The following DIAPH2 variants were observed in gnomAD, a reference collection of about 807,000 sequenced individuals.
DIAPH2 encodes protein diaphanous homolog 2.
DIAPH2 carries 35 observed loss-of-function variants against 92.7 expected under a neutral mutation model. The ratio of observed to expected loss-of-function variants is 0.38; its 90% CI spans 0.29 to 0.50. DIAPH2 has a LOEUF of 0.50. Ranked by LOEUF, DIAPH2 falls within the 20% of genes least tolerant of loss-of-function variation. DIAPH2 has a pLI of 0.94. For missense variants in DIAPH2, 701 were observed against 819.5 expected (o/e 0.86, Z 1.77); for synonymous variants, 301 against 280.4 (o/e 1.07, Z -0.73).
At chrX:97,173,280 C>T (rs2067467329) in intron 22 of DIAPH2, among the ~76,000 whole-genome samples, 1 of 111,521 alleles carries the variant, frequency 9.0e-6, no homozygotes, top group South Asian at 3.8e-4. Flanking sequence ...GTAGTCCCAG[C>T]TACTTGGGAA....
At chrX:97,535,250 CAG>C (rs1242960505) in intron 26 of DIAPH2, among the ~76,000 whole-genome samples, 2 of 112,009 alleles carry the variant, frequency 1.8e-5, no homozygotes, top group Non-Finnish European at 3.8e-5. Context: ...ATATTTACAA[CAG>C]GGGAAAGTGG....
Position 97,348,117 on chromosome X carries a change from G to A in DIAPH2, c.2846G>A (p.Ser949Asn), listed in dbSNP as rs775057363. Residue 949 changes from serine to asparagine, a missense_variant and splice_region_variant, in exon 24 of 27, where the codon AGC becomes AAC. Coordinates refer to ENST00000324765, the MANE Select transcript of DIAPH2 (RefSeq NM_006729.5). ...QHDKFVEKMTSFTKTAREQYE... is the reference protein window; with the variant it reads ...QHDKFVEKMTNFTKTAREQYE... Reference sequence around the variant, plus strand: ...CCATGTTCCTTAACAAAAAGCTACAGCTTTACAAAGACTGCCCGAGAACAG... The same window carrying A: ...CCATGTTCCTTAACAAAAAGCTACAACTTTACAAAGACTGCCCGAGAACAG... The A allele has an allele frequency of 8.3e-7, 1 of 1,210,564 alleles. No homozygotes were observed. Among genetic ancestry groups the A allele is most frequent in the African/African-American group, 1.7e-5 (1 of 57,714 alleles).
intron 22 of DIAPH2, among the ~76,000 whole-genome samples, chrX:97,238,051 A>C (rs1398061256): frequency 1.8e-5 from 2 of 112,145 alleles, no homozygotes; most frequent in Non-Finnish European, 3.8e-5. Context: ...TATTTGCTGC[A>C]GGCAGAATAA....
At chrX:97,007,730 A>G (rs1342837550) in intron 17 of DIAPH2, among the ~76,000 whole-genome samples, 1 of 91,055 alleles carries the variant, frequency 1.1e-5, no homozygotes, top group African/African-American at 4.0e-5. Flanking sequence ...GATATTATCT[A>G]TTTGACCTTT....
chrX:96,966,715 G>A (rs2065895781), intron 17 of DIAPH2, among the ~76,000 whole-genome samples: 1 of 111,090 alleles, frequency 9.0e-6, no homozygotes, highest in Admixed American at 9.6e-5. Context: ...CTAGTCTTTT[G>A]CTTGTTTAAG....
intron 26 of DIAPH2, among the ~76,000 whole-genome samples, chrX:97,577,790 A>G (rs1305244936): frequency 8.9e-6 from 1 of 111,987 alleles, no homozygotes; most frequent in African/African-American, 3.2e-5. Flanking sequence ...TATGTACTCC[A>G]TGAATCTCTC....
chrX:96,731,254 T>C (rs368454435), intron 1 of DIAPH2, among the ~76,000 whole-genome samples: 3 of 111,347 alleles, frequency 2.7e-5, no homozygotes, highest in East Asian at 5.7e-4. Flanking sequence ...GCATAGTAGA[T>C]GCTTAAATAT....
intron 23 of DIAPH2, among the ~76,000 whole-genome samples, chrX:97,313,879 A>G (rs2068818154): frequency 9.1e-6 from 1 of 109,576 alleles, no homozygotes; most frequent in Non-Finnish European, 1.9e-5. Context: ...ACCTCAAGTG[A>G]TCCACCCGCC....
At chrX:96,957,729 CAT>C (rs1376618234) in intron 15 of DIAPH2, 97 bp from the exon 16 acceptor site, 3 of 637,354 alleles carry the variant, frequency 4.7e-6, no homozygotes, top group Non-Finnish European at 7.2e-6. Context: ...GATCTTAAAA[CAT>C]AAGATAAATA....
At chrX:97,162,830 T>C (rs1318935474) in intron 22 of DIAPH2, among the ~76,000 whole-genome samples, 1 of 111,802 alleles carries the variant, frequency 8.9e-6, no homozygotes, top group African/African-American at 3.3e-5. Flanking sequence ...ATCTATTCAT[T>C]CTTTTTTTTC....
chrX:97,208,427 A>G (rs760394824), intron 22 of DIAPH2, among the ~76,000 whole-genome samples: 203 of 112,313 alleles, frequency 1.8e-3, no homozygotes, highest in African/African-American at 6.5e-3. Context: ...GATTGTAAGA[A>G]TAAATTTTGC....
At chrX:96,766,881 G>A (rs1020036090) in intron 4 of DIAPH2, among the ~76,000 whole-genome samples, 2 of 112,111 alleles carry the variant, frequency 1.8e-5, no homozygotes, top group Non-Finnish European at 1.9e-5. Context: ...TATATAAATT[G>A]TACTTTAAAA....
intron 23 of DIAPH2, among the ~76,000 whole-genome samples, chrX:97,334,998 C>CAAAAAAAAAAAACAAAAAAAAAA (rs2069043026): frequency 3.2e-5 from 1 of 31,464 alleles, no homozygotes; most frequent in Non-Finnish European, 6.1e-5. Flanking sequence ...AAAAACAAAA[C>CAAAAAAAAAAAACAAAAAAAAAA]AAAAAAAAAA....
intron 22 of DIAPH2, among the ~76,000 whole-genome samples, chrX:97,224,284 A>C (rs2067948823): frequency 9.0e-6 from 1 of 111,660 alleles, no homozygotes; most frequent in African/African-American, 3.3e-5. Context: ...TAGATATCCA[A>C]CTGTAATTTA....
chrX:97,275,249 G>A (rs773530709), intron 23 of DIAPH2, among the ~76,000 whole-genome samples: 8 of 104,043 alleles, frequency 7.7e-5, no homozygotes, highest in Non-Finnish European at 1.2e-4. Context: ...CCTCCCAGAC[G>A]GGGCGGCTGG....
chrX:97,559,114 C>T (rs766726370), intron 26 of DIAPH2, among the ~76,000 whole-genome samples: 49 of 112,157 alleles, frequency 4.4e-4, no homozygotes, highest in African/African-American at 1.5e-3. Flanking sequence ...TTCTGATTTT[C>T]TGTAATAAGT....
At chrX:97,343,474 G>T (rs1451037069) in intron 23 of DIAPH2, among the ~76,000 whole-genome samples, 1 of 111,323 alleles carries the variant, frequency 9.0e-6, no homozygotes, top group Non-Finnish European at 1.9e-5. Flanking sequence ...TTCAAGACCA[G>T]CCTGGCCAAC....
intron 22 of DIAPH2, among the ~76,000 whole-genome samples, chrX:97,234,983 C>T (rs967242815): frequency 3.6e-5 from 4 of 112,208 alleles, no homozygotes; most frequent in Non-Finnish European, 7.5e-5. Context: ...TATTTCAGAG[C>T]CTTTAGCCAG....
chrX:97,109,512 C>A (rs768789500), intron 20 of DIAPH2, among the ~76,000 whole-genome samples: 4 of 111,417 alleles, frequency 3.6e-5, no homozygotes, highest in Non-Finnish European at 5.6e-5. Flanking sequence ...CAGTATGGGT[C>A]TGGAGAATGC....
Sources: allele counts gnomAD v4.1 joint callset (sites outside exome capture counted in the v4.1 genomes callset), GRCh38; gene constraint gnomAD v4.1.1; transcripts MANE v1.5; gene names NCBI Gene and HGNC (gene_info 2026-07-23, HGNC 2026-07-21).